The following SPG7 variants were observed in gnomAD, a reference collection of about 807,000 sequenced individuals.
SPG7 encodes mitochondrial inner membrane m-AAA protease component paraplegin.
Under a neutral mutation model 81.9 loss-of-function variants are expected in SPG7, and 103 were observed. That is an observed-to-expected ratio of 1.26 (90% CI 1.07 to 1.48). The LOEUF (loss-of-function observed/expected upper bound fraction) is 1.48. Ranked by LOEUF, SPG7 falls within the 40% of genes most tolerant of loss-of-function variation. The probability of loss-of-function intolerance (pLI) is 0.00; values close to 1 mark genes in which losing one functional copy is unlikely to be tolerated. For missense variants in SPG7, 1,241 were observed against 1,087.3 expected (o/e 1.14, Z -1.99); for synonymous variants, 534 against 444.2 (o/e 1.20, Z -2.54).
chr16:89,519,297 T>C (rs974178649), intron 3 of SPG7: 1 of 151,660 alleles, frequency 6.6e-6, no homozygotes, highest in African/African-American at 2.4e-5. Flanking sequence ...TCTGTGCCAT[T>C]TCTTACAACT....
Position 89,553,512 on chromosome 16 carries a change from G to A in SPG7, c.1937-282G>A, listed in dbSNP as rs978831198. The A allele has an allele frequency of 4.6e-5, 25 of 538,596 alleles. 1 individual carries two copies. The Middle Eastern group carries it at 3.5e-3, about 75-fold the overall frequency. 33.4% of individuals were successfully genotyped at this position (538,596 alleles called of 1,614,324 possible). ...GGCTCCAGGTCCATGGGTTTGCCTC[G>A]CATAGGCCTGGGCTTGTGCTTGAGA... On this transcript the variant is annotated intron_variant, in intron 14 of 16. Coordinates refer to ENST00000645818, the MANE Select transcript of SPG7 (RefSeq NM_003119.4).
chr16:89,552,490 G>A (rs1231734253), intron 13 of SPG7: 1 of 191,190 alleles, frequency 5.2e-6, no homozygotes, highest in Non-Finnish European at 1.1e-5. Context: ...CTCCCACTCA[G>A]CGGTTCCGTG....
At chr16:89,548,159 G>C (rs2058589413) in intron 12 of SPG7, 46 bp downstream of exon 12, 2 of 1,339,456 alleles carry the variant, frequency 1.5e-6, no homozygotes, top group Non-Finnish European at 2.1e-6. Flanking sequence ...AGCAGGGCTT[G>C]AACCCCAGAA....
At chr16:89,550,011 A>G (rs1179568801) in intron 12 of SPG7, 4 of 226,630 alleles carry the variant, frequency 1.8e-5, no homozygotes, top group Middle Eastern at 1.8e-3. Flanking sequence ...CTCCTTCAAC[A>G]GCCCTTTGAC....
At chr16:89,513,885 G>T (rs962925239) in intron 3 of SPG7, among the ~76,000 whole-genome samples, 4 of 152,224 alleles carry the variant, frequency 2.6e-5, no homozygotes, top group Non-Finnish European at 5.9e-5. Context: ...AAGCTTTCAG[G>T]ATGTGGAAAT....
intron 9 of SPG7, chr16:89,537,045 G>A (rs930155689): frequency 5.6e-6 from 9 of 1,597,204 alleles, no homozygotes; most frequent in Middle Eastern, 1.7e-4. Context: ...CTGGGAATCC[G>A]CTGACTGAAG....
chr16:89,511,025 A>T (rs2058014658), intron 2 of SPG7, among the ~76,000 whole-genome samples: 1 of 151,950 alleles, frequency 6.6e-6, no homozygotes, highest in Non-Finnish European at 1.5e-5. Context: ...TTTTGTGGAG[A>T]TGGGGTTTTG....
chr16:89,547,689 CG>C, intron 11 of SPG7: 2 of 377,718 alleles, frequency 5.3e-6, no homozygotes, highest in Non-Finnish European at 1.0e-5. Context: ...CTTGGCTCCC[CG>C]CAGCCTCCGC....
chr16:89,555,678 T>C (rs1384448006), intron 16 of SPG7: 1 of 393,288 alleles, frequency 2.5e-6, no homozygotes, highest in Non-Finnish European at 4.5e-6. Flanking sequence ...GTCTCATGTT[T>C]TGTAGGACGT....
rs550161942 is a variant in SPG7 at position 89,548,067 on chromosome 16, C to T, written c.1617C>T (p.Ser539=). Residue 539 remains serine, a synonymous_variant, in exon 12 of 17, where the codon TCC becomes TCT. Transcript: ENST00000645818. The part of the protein sequence containing the change: ...ALHAAREGHT[S]VHTLNFEYAV... ...ACGCGGCGCGGGAGGGACACACTTCCGTGCACACTCTCAACTTCGAGTACG... is the reference window on the plus strand; with the variant it reads ...ACGCGGCGCGGGAGGGACACACTTCTGTGCACACTCTCAACTTCGAGTACG... The T allele has an allele frequency of 8.1e-6, 13 of 1,610,644 alleles. No homozygotes were observed. The highest frequency in any genetic ancestry group is 5.5e-5 in the South Asian group (5 of 91,086).
chr16:89,556,693 A>G, intron 16 of SPG7, 194 bp from the exon 17 acceptor site: 1 of 619,374 alleles, frequency 1.6e-6, no homozygotes. Context: ...GCCGCCGGAA[A>G]ATCATTTATG....
chr16:89,547,041 G>A (rs2058573789), intron 11 of SPG7: 3 of 419,644 alleles, frequency 7.1e-6, no homozygotes, highest in Non-Finnish European at 4.5e-6. Context: ...TCCACACAGT[G>A]ACCAGTCATG....
At chr16:89,511,443 A>G (rs1177987103) in intron 2 of SPG7, among the ~76,000 whole-genome samples, 1 of 152,222 alleles carries the variant, frequency 6.6e-6, no homozygotes, top group Non-Finnish European at 1.5e-5. Flanking sequence ...GGGAAAAAGT[A>G]AAATATTTCT....
chr16:89,533,866 G>T (rs1037780763), intron 9 of SPG7: 2 of 152,074 alleles, frequency 1.3e-5, no homozygotes, highest in Non-Finnish European at 1.5e-5. Flanking sequence ...AGGCTTGGTG[G>T]TGCAGGCCTG....
chr16:89,542,241 C>T (rs572265966), intron 9 of SPG7: 4 of 152,334 alleles, frequency 2.6e-5, no homozygotes, highest in African/African-American at 9.6e-5. Flanking sequence ...TATCCACAGC[C>T]CTGGCCTCTG....
intron 13 of SPG7, chr16:89,552,767 G>T: frequency 1.7e-6 from 1 of 604,692 alleles, no homozygotes. Context: ...ACACTTCCCG[G>T]CAGTGTGTGA....
intron 3 of SPG7, chr16:89,521,906 A>G (rs984889164): frequency 6.6e-6 from 1 of 151,946 alleles, no homozygotes; most frequent in Non-Finnish European, 1.5e-5. Flanking sequence ...TATTTCTCTC[A>G]GTTTCCCGGG....
chr16:89,530,626 C>T (rs1263377674), intron 6 of SPG7, 57 bp from the exon 7 acceptor site: 23 of 1,611,568 alleles, frequency 1.4e-5, no homozygotes, highest in South Asian at 7.7e-5. Flanking sequence ...GCGCTGGCAT[C>T]GTGCTGCTGA....
rs2058428116 is a variant in SPG7 at position 89,536,646 on chromosome 16, TGGGC to T, written c.1324+4012_1324+4015del. The T allele has an allele frequency of 1.8e-5, 21 of 1,169,108 alleles. No individual in the cohort carries two copies. The African/African-American group carries it at 3.3e-4, about 19-fold the overall frequency. The allele number at this position is 1,169,108 out of a possible 1,614,324, so 72.4% of individuals were successfully genotyped here. On this transcript the variant is annotated intron_variant, in intron 9 of 16. Transcript: ENST00000645818. ...GTGAGGGCGGGTGAGGCGGGCGAGG[TGGGC>T]GAGGCAGGCGAGGCGGGTGAGATCG...
Sources: gnomAD v4.1 joint callset for allele counts (sites outside exome capture counted in the v4.1 genomes callset) on GRCh38, gnomAD v4.1.1 for gene constraint, MANE v1.5 for transcripts, NCBI Gene and HGNC (gene_info 2026-07-23, HGNC 2026-07-21) for gene names.